ABCB1: variants seen among roughly 807,000 people sequenced by gnomAD.
ABCB1 encodes the protein ATP-dependent translocase ABCB1.
A neutral mutation model predicts 142.0 loss-of-function variants in ABCB1; 69 were observed. The observed-to-expected ratio is 0.49, with a 90% CI of 0.40 to 0.59. ABCB1 has a LOEUF of 0.59. Among genes scored for constraint, ABCB1 ranks in the 20% least tolerant of loss-of-function variants. The probability of loss-of-function intolerance (pLI) is 0.00; values close to 1 mark genes in which losing one functional copy is unlikely to be tolerated. For missense variants in ABCB1, 1,326 were observed against 1,554.7 expected (o/e 0.85, Z 2.47); for synonymous variants, 532 against 539.2 (o/e 0.99, Z 0.18).
At chr7:87,671,783 C>G (rs1316939127) in intron 1 of ABCB1, among the ~76,000 whole-genome samples, 1 of 152,142 alleles carries the variant, frequency 6.6e-6, no homozygotes, top group South Asian at 2.1e-4. Flanking sequence ...CTTCAGCCCC[C>G]GGTTGCCTCA....
At position 87,507,051 on chromosome 7, in the gene ABCB1, C is replaced by T. The variant is rs1406877729; in HGVS notation, c.3490-1008G>A. 4.6e-5 allele frequency among the ~76,000 whole-genome samples: 7 copies of T among 152,098 alleles called. No homozygotes were observed. The East Asian group carries it at 9.6e-4, about 21-fold the overall frequency. On this transcript the variant is annotated intron_variant, in intron 26 of 27. Coordinates refer to ENST00000622132, the MANE Select transcript of ABCB1 (RefSeq NM_001348946.2). ...CCTGTTGAGGCAGATAAAGGCAGTG[C>T]GGCAGTCTTACAAGGAGGTAGCTAA...
At chr7:87,674,615 G>T (rs1009405640) in intron 1 of ABCB1, among the ~76,000 whole-genome samples, 7 of 152,082 alleles carry the variant, frequency 4.6e-5, no homozygotes, top group Non-Finnish European at 1.0e-4. Flanking sequence ...CTGCCTTGGG[G>T]GTAAGCTGTG....
chr7:87,626,246 A>ATTGTCATATATATG (rs757936155), intron 1 of ABCB1, among the ~76,000 whole-genome samples: 1 of 12,542 alleles, frequency 8.0e-5, no homozygotes, highest in Non-Finnish European at 1.6e-4. Context: ...TGTCATATAT[A>ATTGTCATATATATG]TGTCATATAT....
intron 1 of ABCB1, among the ~76,000 whole-genome samples, chr7:87,701,669 A>G (rs1829047050): frequency 1.3e-5 from 2 of 152,142 alleles, no homozygotes; most frequent in Admixed American, 6.5e-5. Flanking sequence ...CTAGAACAAA[A>G]GAAAATATCT....
intron 1 of ABCB1, among the ~76,000 whole-genome samples, chr7:87,615,372 A>G (rs1046999116): frequency 2.6e-5 from 4 of 152,228 alleles, no homozygotes; most frequent in African/African-American, 7.2e-5. Context: ...AAAGGAAAAG[A>G]GCAGTAGGAG....
intron 1 of ABCB1, among the ~76,000 whole-genome samples, chr7:87,677,274 AACACACACACACACAC>A (rs57009840): frequency 3.2e-4 from 43 of 135,876 alleles, no homozygotes; most frequent in Non-Finnish European, 5.0e-4. Context: ...CAGTGTATAT[AACACACACACACACAC>A]ACACACACAC....
rs1816943856 is a variant in ABCB1 at position 87,549,359 on chromosome 7, C to A, written c.1714G>T (p.Ala572Ser). 6.2e-7 allele frequency: 1 copy of A among 1,614,166 alleles called. No homozygotes were observed. The highest frequency in any genetic ancestry group is 2.2e-5 in the East Asian group (1 of 44,882). ...DTESEAVVQV[A>S]LDKARKGRTT... ...TAAGCCTCACTGACCTTATCCAGAG[C>A]CACCTGAACCACTGCTTCGCTTTCT... The change falls in exon 14 of 28, where the codon GCT (alanine) becomes TCT (serine). Residue 572 changes from alanine to serine, a missense_variant. Ala to Ser is a moderately conservative substitution (Grantham distance 99). Coordinates refer to ENST00000622132, the MANE Select transcript of ABCB1 (RefSeq NM_001348946.2).
intron 8 of ABCB1, among the ~76,000 whole-genome samples, chr7:87,557,450 G>A (rs559644940): frequency 2.4e-4 from 37 of 152,332 alleles, no homozygotes; most frequent in African/African-American, 7.9e-4. Flanking sequence ...GTAGTCTTAC[G>A]TCAATTCTTG....
chr7:87,579,132 T>C (rs957318088), intron 4 of ABCB1, among the ~76,000 whole-genome samples: 2 of 152,236 alleles, frequency 1.3e-5, no homozygotes, highest in Non-Finnish European at 2.9e-5. Flanking sequence ...TTGGAGTCTT[T>C]AGGTTTTTCC....
chr7:87,577,280 T>G (rs1818308036), intron 4 of ABCB1, among the ~76,000 whole-genome samples: 1 of 152,168 alleles, frequency 6.6e-6, no homozygotes, highest in Non-Finnish European at 1.5e-5. Flanking sequence ...TACTCCATTG[T>G]GTGTATGTAT....
intron 1 of ABCB1, among the ~76,000 whole-genome samples, chr7:87,638,548 T>C (rs1370679825): frequency 6.6e-6 from 1 of 152,124 alleles, no homozygotes; most frequent in Non-Finnish European, 1.5e-5. Context: ...AGATTTCCTG[T>C]GTCTTCTGGT....
chr7:87,645,791 C>T (rs10275831), intron 1 of ABCB1, among the ~76,000 whole-genome samples: 7,319 of 152,158 alleles, frequency 0.048, 257 homozygotes, highest in East Asian at 0.089. Flanking sequence ...TCATGACTAG[C>T]TATATGATTT....
intron 4 of ABCB1, among the ~76,000 whole-genome samples, chr7:87,581,849 C>T (rs73200316): frequency 3.0e-3 from 456 of 152,222 alleles, no homozygotes; most frequent in Non-Finnish European, 4.8e-3. Context: ...TAGTCCACCC[C>T]CATGGAGAGA....
Position 87,539,278 on chromosome 7 carries a change from A to G in ABCB1, c.2387T>C (p.Met796Thr). ...CCTCGATAGACATACCTGTCTGAGCATGGATCGGAAAACCATGTATCGGAG... is the reference window on the plus strand; with the variant it reads ...CCTCGATAGACATACCTGTCTGAGCGTGGATCGGAAAACCATGTATCGGAG... ...KRLRYMVFRS[M>T]LRQDVSWFDD... Residue 796 changes from methionine to threonine, a missense_variant, in exon 19 of 28, where the codon ATG becomes ACG. Coordinates refer to ENST00000622132, the MANE Select transcript of ABCB1 (RefSeq NM_001348946.2). The G allele has an allele frequency of 1.9e-6, 3 of 1,614,124 alleles. No individual in the cohort carries two copies. Among genetic ancestry groups the G allele is most frequent in the Non-Finnish European group, 1.7e-6 (2 of 1,179,982 alleles).
intron 1 of ABCB1, chr7:87,693,998 C>T (rs760487690): frequency 1.2e-6 from 2 of 1,606,256 alleles, no homozygotes; most frequent in African/African-American, 1.3e-5. Context: ...CTGAGCTGCA[C>T]GGGAGCATGG....
intron 1 of ABCB1, among the ~76,000 whole-genome samples, chr7:87,613,008 T>TG (rs1156784186): frequency 8.1e-6 from 1 of 122,808 alleles, no homozygotes; most frequent in Non-Finnish European, 1.8e-5. Context: ...TAGGTTTTGG[T>TG]GGGTTTTTTT....
chr7:87,592,928 C>A (rs200002599), intron 3 of ABCB1, among the ~76,000 whole-genome samples: 1 of 138,106 alleles, frequency 7.2e-6, no homozygotes, highest in Non-Finnish European at 1.6e-5. Context: ...AATATATAAT[C>A]TTTTTTTTTT....
intron 1 of ABCB1, among the ~76,000 whole-genome samples, chr7:87,626,832 C>G (rs541891888): frequency 6.6e-6 from 1 of 151,690 alleles, no homozygotes; most frequent in East Asian, 1.9e-4. Context: ...CTGGAGTGCA[C>G]TGGCGCAGTC....
chr7:87,652,317 G>A (rs1425961553), intron 1 of ABCB1, among the ~76,000 whole-genome samples: 1 of 152,026 alleles, frequency 6.6e-6, no homozygotes, highest in Non-Finnish European at 1.5e-5. Flanking sequence ...CATGCCAAGT[G>A]GTTGGGTAGA....
Sources: gnomAD v4.1 joint callset for allele counts (sites outside exome capture counted in the v4.1 genomes callset) on GRCh38, gnomAD v4.1.1 for gene constraint, MANE v1.5 for transcripts, NCBI Gene and HGNC (gene_info 2026-07-23, HGNC 2026-07-21) for gene names.